The following PLCL1 variants were observed in gnomAD, a reference collection of about 807,000 sequenced individuals.
PLCL1 encodes phospholipase C like 1 (inactive).
In PLCL1, 41 loss-of-function variants were observed where a neutral mutation model predicts 84.4. The observed-to-expected ratio is 0.49, with a 90% CI of 0.38 to 0.63. PLCL1 has a LOEUF of 0.63. PLCL1 is among the 30% of genes least tolerant of loss of function. The probability of loss-of-function intolerance (pLI) is 0.00; values close to 1 mark genes in which losing one functional copy is unlikely to be tolerated. For synonymous variants in PLCL1, 490 were observed against 488.3 expected, an observed-to-expected ratio of 1.00 and a Z score of -0.05; for missense variants, 1,206 against 1,367.8, an observed-to-expected ratio of 0.88 and a Z score of 1.87.
At chr2:197,850,886 C>T (rs1042220056) in intron 1 of PLCL1, among the ~76,000 whole-genome samples, 2 of 152,186 alleles carry the variant, frequency 1.3e-5, no homozygotes, top group African/African-American at 4.8e-5. Flanking sequence ...GTTTCATGGC[C>T]ATGAAGAAGA....
rs550735179 is a variant in PLCL1 at position 198,124,869 on chromosome 2, C to T, written c.3105+20933C>T. Among the ~76,000 whole-genome samples, 10 of 152,106 alleles carry T rather than the reference C, an allele frequency of 6.6e-5. No homozygotes were observed. In the East Asian group the frequency reaches 1.2e-3, roughly 18 times the overall value. ...TGCTGAAGGTTGGCACTTTTTAGCC[C>T]GTGCTGTCCAATGCAGAAAGCACTA... On this transcript the variant is annotated intron_variant, in intron 5 of 5. Coordinates refer to ENST00000428675, the MANE Select transcript of PLCL1 (RefSeq NM_006226.4).
In PLCL1 at chr2:198,025,541, A is replaced by G. The variant is rs139403551; in HGVS notation, c.241-58217A>G. On this transcript the variant is annotated intron_variant, in intron 1 of 5. Transcript: ENST00000428675. ...TCATGCTTTAAATAAATATTTCCCAAGTGGCTGATCAGGTAATCTGAATGT... is the reference window on the plus strand; with the variant it reads ...TCATGCTTTAAATAAATATTTCCCAGGTGGCTGATCAGGTAATCTGAATGT... Among the ~76,000 whole-genome samples, 370 of 152,252 alleles carry G rather than the reference A, an allele frequency of 2.4e-3. 1 individual carries two copies. The highest frequency in any genetic ancestry group is 4.3e-3 in the Non-Finnish European group (291 of 68,010).
Position 198,071,098 on chromosome 2 carries a change from G to GCA in PLCL1, c.241-12621_241-12620dup, listed in dbSNP as rs56759346. On this transcript the variant is annotated intron_variant, in intron 1 of 5. Coordinates refer to ENST00000428675, the MANE Select transcript of PLCL1 (RefSeq NM_006226.4). ...CTTCTGTTATCTGCTTTTTAAGTAT[G>GCA]CACACACACACACACACACACACAC... 901 of 147,828 alleles carry GCA rather than the reference G, an allele frequency of 6.1e-3. 8 individuals are homozygous for GCA. The highest frequency in any genetic ancestry group is 0.013 in the African/African-American group (518 of 39,858). 9.2% of individuals were successfully genotyped at this position (147,828 alleles called of 1,614,324 possible). A position where few individuals can be genotyped will look rare whatever the true frequency, so the allele number is the denominator to read the frequency against.
chr2:197,826,387 A>T (rs1194155882), intron 1 of PLCL1, among the ~76,000 whole-genome samples: 1 of 152,196 alleles, frequency 6.6e-6, no homozygotes, highest in African/African-American at 2.4e-5. Context: ...CTTTCCTTCA[A>T]ATATTGAAAA....
intron 1 of PLCL1, among the ~76,000 whole-genome samples, chr2:197,927,510 A>G (rs1023104630): frequency 6.6e-6 from 1 of 152,228 alleles, no homozygotes; most frequent in African/African-American, 2.4e-5. Context: ...TGCTAAAAAT[A>G]CAAAGAAGAA....
chr2:197,947,335 T>C (rs1308986619), intron 1 of PLCL1, among the ~76,000 whole-genome samples: 1 of 151,730 alleles, frequency 6.6e-6, no homozygotes, highest in East Asian at 1.9e-4. Context: ...GCAGGACTTA[T>C]TAAAACACAG....
intron 3 of PLCL1, among the ~76,000 whole-genome samples, chr2:198,097,785 C>T (rs1693237449): frequency 6.6e-6 from 1 of 152,220 alleles, no homozygotes; most frequent in Admixed American, 6.5e-5. Context: ...TGCATTAGTC[C>T]CAGGACAGAG....
chr2:197,943,504 T>A (rs1248647195), intron 1 of PLCL1, among the ~76,000 whole-genome samples: 1 of 152,116 alleles, frequency 6.6e-6, no homozygotes, highest in Non-Finnish European at 1.5e-5. Context: ...ATATTCCTCT[T>A]GTTAAATCAA....
At chr2:198,067,717 C>A (rs2105882457) in intron 1 of PLCL1, among the ~76,000 whole-genome samples, 1 of 152,298 alleles carries the variant, frequency 6.6e-6, no homozygotes, top group East Asian at 1.9e-4. Context: ...ATGTTTTTGG[C>A]ATGTTGTTCA....
intron 1 of PLCL1, among the ~76,000 whole-genome samples, chr2:198,006,705 C>A (rs969756408): frequency 6.6e-6 from 1 of 152,116 alleles, no homozygotes; most frequent in African/African-American, 2.4e-5. Context: ...TGTCTTTGTG[C>A]TCTGGGCTTC....
chr2:197,913,366 G>A, intron 1 of PLCL1, among the ~76,000 whole-genome samples: 1 of 152,162 alleles, frequency 6.6e-6, no homozygotes, highest in Non-Finnish European at 1.5e-5. Context: ...CATCACTAAA[G>A]CCTTTTTAGC....
intron 1 of PLCL1, among the ~76,000 whole-genome samples, chr2:197,851,555 A>G (rs1222465502): frequency 6.6e-6 from 1 of 152,264 alleles, no homozygotes; most frequent in Non-Finnish European, 1.5e-5. Flanking sequence ...CGCTATAAGA[A>G]GAAAGACTTT....
intron 5 of PLCL1, among the ~76,000 whole-genome samples, chr2:198,114,479 G>T (rs1387835839): frequency 6.6e-6 from 1 of 151,752 alleles, no homozygotes; most frequent in Non-Finnish European, 1.5e-5. Context: ...GTTATTGAAG[G>T]TCTTACTTTT....
At chr2:197,955,140 T>A (rs1689459924) in intron 1 of PLCL1, among the ~76,000 whole-genome samples, 1 of 152,102 alleles carries the variant, frequency 6.6e-6, no homozygotes, top group Admixed American at 6.6e-5. Flanking sequence ...ACCACTCTTC[T>A]AGATAGTTGT....
Position 198,147,699 on chromosome 2 carries a change from G to C in PLCL1, c.*737G>C, listed in dbSNP as rs1249615731. On this transcript the variant is annotated 3_prime_UTR_variant, in exon 6 of 6. Transcript: ENST00000428675. ...ATTTCACTAGAAAAGCTGATCATAA[G>C]TGAATTTATACCTACCTGTGTGGTA... The C allele has an allele frequency of 6.6e-6, 1 of 152,218 alleles. No homozygotes were observed. The highest frequency in any genetic ancestry group is 1.5e-5 in the Non-Finnish European group (1 of 68,006). 9.4% of individuals were successfully genotyped at this position (152,218 alleles called of 1,614,324 possible).
Position 197,995,173 on chromosome 2 carries a change from T to A in PLCL1, c.241-88585T>A, listed in dbSNP as rs1574232566. 2.6e-5 allele frequency among the ~76,000 whole-genome samples: 4 copies of A among 152,354 alleles called. No individual in the cohort carries two copies. In the South Asian group the frequency reaches 8.3e-4, roughly 32 times the overall value. Reference sequence around the variant, plus strand: ...ATAATGTCAGCCTTCTCTGTGTTATTAATGTAGTGTCATGTGCTACCATTT... The same window carrying A: ...ATAATGTCAGCCTTCTCTGTGTTATAAATGTAGTGTCATGTGCTACCATTT... On this transcript the variant is annotated intron_variant, in intron 1 of 5. Transcript: ENST00000428675.
At chr2:198,123,515 G>GACATAGGGAAGACAGGTACA (rs1463245817) in intron 5 of PLCL1, among the ~76,000 whole-genome samples, 1 of 151,966 alleles carries the variant, frequency 6.6e-6, no homozygotes, top group Non-Finnish European at 1.5e-5. Context: ...AGGTACAGAA[G>GACATAGGGAAGACAGGTACA]GAAGACCATG....
intron 1 of PLCL1, among the ~76,000 whole-genome samples, chr2:197,918,963 T>TCTCC (rs1559044840): frequency 6.9e-6 from 1 of 144,926 alleles, no homozygotes. Context: ...TCTCTCTCTC[T>TCTCC]CTCTCCCTCA....
chr2:197,996,216 T>C (rs1021202772), intron 1 of PLCL1, among the ~76,000 whole-genome samples: 5 of 152,064 alleles, frequency 3.3e-5, no homozygotes, highest in Non-Finnish European at 5.9e-5. Flanking sequence ...AGGAAGGCAT[T>C]GGTGCTGCAT....
Sources: gnomAD v4.1 joint callset for allele counts (sites outside exome capture counted in the v4.1 genomes callset) on GRCh38, gnomAD v4.1.1 for gene constraint, MANE v1.5 for transcripts, NCBI Gene and HGNC (gene_info 2026-07-23, HGNC 2026-07-21) for gene names.